PTP4A3: variants seen among roughly 807,000 people sequenced by gnomAD.
PTP4A3 encodes protein tyrosine phosphatase type IVA 3.
In PTP4A3, 9 loss-of-function variants were observed where a neutral mutation model predicts 15.2. That is an observed-to-expected ratio of 0.59 (90% CI 0.36 to 1.03). The LOEUF (loss-of-function observed/expected upper bound fraction) is 1.03, where lower values mean the gene tolerates loss of function less well. Ranked by LOEUF, PTP4A3 falls within the 50% of genes least tolerant of loss-of-function variation. The pLI, the probability that PTP4A3 is intolerant of heterozygous loss-of-function variation, is 0.02. For missense variants in PTP4A3, 234 were observed against 252.1 expected, an observed-to-expected ratio of 0.93 and a Z score of 0.49; for synonymous variants, 95 against 102.0, an observed-to-expected ratio of 0.93 and a Z score of 0.41.
At chr8:141,399,939 C>G (rs566839721) in intron 1 of PTP4A3, among the ~76,000 whole-genome samples, 1 of 152,258 alleles carries the variant, frequency 6.6e-6, no homozygotes, top group African/African-American at 2.4e-5. Context: ...CGGAGTCTCA[C>G]CCTGTTGTCC....
chr8:141,408,755 G>T (rs1392499291), intron 1 of PTP4A3, among the ~76,000 whole-genome samples: 20 of 152,350 alleles, frequency 1.3e-4, no homozygotes, highest in Non-Finnish European at 2.9e-4. Flanking sequence ...GGGTGAAAGT[G>T]TCGTTGCCCT....
chr8:141,393,247 GGCT>G (rs1425021999), intron 1 of PTP4A3, among the ~76,000 whole-genome samples: 1 of 152,226 alleles, frequency 6.6e-6, no homozygotes. Flanking sequence ...TAGCCTGCGG[GGCT>G]AAGCAGAGCC....
intron 1 of PTP4A3, among the ~76,000 whole-genome samples, chr8:141,413,728 ACACT>A (rs1203449873): frequency 3.9e-5 from 6 of 152,158 alleles, no homozygotes; most frequent in Admixed American, 3.9e-4. Context: ...GGCTTTGGAA[ACACT>A]CAGGAGTCCA....
At chr8:141,396,981 C>T (rs951655953) in intron 1 of PTP4A3, among the ~76,000 whole-genome samples, 2 of 152,134 alleles carry the variant, frequency 1.3e-5, no homozygotes, top group African/African-American at 2.4e-5. Flanking sequence ...GCCGGGCTGG[C>T]TGGGGGCCTG....
At chr8:141,417,943 C>G (rs945697711) in intron 1 of PTP4A3, among the ~76,000 whole-genome samples, 1 of 151,826 alleles carries the variant, frequency 6.6e-6, no homozygotes, top group Non-Finnish European at 1.5e-5. Flanking sequence ...GGAGGGGCGG[C>G]GCCCCGACCC....
At chr8:141,409,332 C>G (rs1199378068) in intron 1 of PTP4A3, among the ~76,000 whole-genome samples, 2 of 152,208 alleles carry the variant, frequency 1.3e-5, no homozygotes, top group Non-Finnish European at 2.9e-5. Context: ...TGAGCTCCCT[C>G]CATCCCCAGA....
chr8:141,418,639 GGAGGTAGCAGGAGGGAAA>G (rs1833168842), intron 1 of PTP4A3, among the ~76,000 whole-genome samples: 1 of 152,234 alleles, frequency 6.6e-6, no homozygotes, highest in Non-Finnish European at 1.5e-5. Context: ...CAGGAGGGAA[GGAGGTAGCAGGAGGGAAA>G]GAGGGGCCAC....
At chr8:141,419,098 CT>C (rs1833199676) in intron 1 of PTP4A3, among the ~76,000 whole-genome samples, 1 of 152,156 alleles carries the variant, frequency 6.6e-6, no homozygotes, top group Non-Finnish European at 1.5e-5. Flanking sequence ...GGCTAACCCC[CT>C]GATTCCGGCA....
chr8:141,399,603 G>A (rs116738574), intron 1 of PTP4A3, among the ~76,000 whole-genome samples: 2,424 of 152,356 alleles, frequency 0.016, 54 homozygotes, highest in African/African-American at 0.052. Context: ...GGGAGACCCC[G>A]GCCCCCACAG....
Position 141,431,384 on chromosome 8 carries a change from G to T in PTP4A3, c.*340G>T, listed in dbSNP as rs1197817035. On this transcript the variant is annotated 3_prime_UTR_variant, in exon 6 of 6. Coordinates refer to ENST00000521578, the MANE Select transcript of PTP4A3 (RefSeq NM_032611.3). Reference sequence around the variant, plus strand: ...CTAGCCTGTTTGTTGTGGGGTGGGGGTATATTTTGTAACCACTGGGCCCCC... The same window carrying T: ...CTAGCCTGTTTGTTGTGGGGTGGGGTTATATTTTGTAACCACTGGGCCCCC... 1 of 334,032 alleles carries T rather than the reference G, an allele frequency of 3.0e-6. No individual in the cohort carries two copies. The highest frequency in any genetic ancestry group is 4.5e-5 in the South Asian group (1 of 22,012). 20.7% of individuals were successfully genotyped at this position (334,032 alleles called of 1,614,324 possible).
intron 1 of PTP4A3, among the ~76,000 whole-genome samples, chr8:141,418,703 C>T (rs537629739): frequency 1.3e-5 from 2 of 152,198 alleles, no homozygotes; most frequent in African/African-American, 4.8e-5. Flanking sequence ...GGGCCGCGGG[C>T]CTGGTGGGGG....
intron 2 of PTP4A3, among the ~76,000 whole-genome samples, chr8:141,422,710 C>G (rs1357808198): frequency 6.6e-6 from 1 of 152,204 alleles, no homozygotes; most frequent in Non-Finnish European, 1.5e-5. Context: ...GAGCCCTTTG[C>G]TGTCCCAGAT....
intron 1 of PTP4A3, among the ~76,000 whole-genome samples, chr8:141,400,559 C>G (rs906987650): frequency 6.6e-6 from 1 of 152,154 alleles, no homozygotes; most frequent in African/African-American, 2.4e-5. Context: ...AACCAGCCAT[C>G]CCCCCACCCC....
chr8:141,427,624 G>T (rs1391807630), intron 4 of PTP4A3, 126 bp from the exon 5 acceptor site: 2 of 772,122 alleles, frequency 2.6e-6, no homozygotes, highest in East Asian at 5.6e-5. Flanking sequence ...CCTCCATGGG[G>T]GAGCTTCAGG....
intron 1 of PTP4A3, among the ~76,000 whole-genome samples, chr8:141,397,817 C>T (rs189460917): frequency 1.3e-5 from 2 of 152,352 alleles, no homozygotes; most frequent in East Asian, 3.9e-4. Context: ...GAAATTGGAC[C>T]TGAGTTGGGC....
Position 141,422,008 on chromosome 8 carries a change from G to A in PTP4A3, c.-233G>A, listed in dbSNP as rs1833354056. 1 of 501,312 alleles carries A rather than the reference G, an allele frequency of 2.0e-6. No individual in the cohort carries two copies. Among genetic ancestry groups the A allele is most frequent in the Non-Finnish European group, 3.5e-6 (1 of 285,910 alleles). 31.1% of individuals were successfully genotyped at this position (501,312 alleles called of 1,614,324 possible). A position where few individuals can be genotyped will look rare whatever the true frequency, so the allele number is the denominator to read the frequency against. On this transcript the variant is annotated 5_prime_UTR_variant, in exon 2 of 6. Transcript: ENST00000521578. The stretch of plus-strand genomic sequence containing the variant: ...GTTTTGTTCCTTTTCTTTTTTAAGA[G>A]TTGGGTTTTCTTTTTTAATTATCCA...
chr8:141,420,910 C>T (rs1266721969), intron 1 of PTP4A3, among the ~76,000 whole-genome samples: 2 of 152,234 alleles, frequency 1.3e-5, no homozygotes, highest in Non-Finnish European at 2.9e-5. Context: ...CACCCAGAGA[C>T]ACCTGGGCTC....
At chr8:141,427,923 T>G in intron 5 of PTP4A3, 99 bp downstream of exon 5, 1 of 1,180,832 alleles carries the variant, frequency 8.5e-7, no homozygotes, top group Non-Finnish European at 1.2e-6. Flanking sequence ...GTTCCGTCGC[T>G]CTGAGGCTGC....
At chr8:141,392,740 G>C (rs909254422) in intron 1 of PTP4A3, among the ~76,000 whole-genome samples, 20 of 152,244 alleles carry the variant, frequency 1.3e-4, no homozygotes, top group African/African-American at 4.6e-4. Flanking sequence ...TGGTGGCCCA[G>C]GGGTGGGGTG....
Sources: allele counts gnomAD v4.1 joint callset (sites outside exome capture counted in the v4.1 genomes callset), GRCh38; gene constraint gnomAD v4.1.1; transcripts MANE v1.5; gene names NCBI Gene and HGNC (gene_info 2026-07-23, HGNC 2026-07-21).